Variants in LYST observed in about 807,000 individuals in gnomAD.
The protein encoded by LYST is lysosomal-trafficking regulator.
A neutral mutation model predicts 413.6 loss-of-function variants in LYST; 192 were observed. The observed-to-expected ratio is 0.46, with a 90% CI of 0.41 to 0.52. LYST has a LOEUF of 0.52. LYST is among the 20% of genes least tolerant of loss of function. The pLI is 0.00. For missense variants in LYST, 3,815 were observed against 4,499.9 expected, an observed-to-expected ratio of 0.85 and a Z score of 4.35; for synonymous variants, 1,525 against 1,567.3, an observed-to-expected ratio of 0.97 and a Z score of 0.64.
chr1:235,677,265 C>T, intron 49 of LYST, 77 bp from the exon 50 acceptor site: 1 of 1,229,574 alleles, frequency 8.1e-7, no homozygotes. Context: ...TTCTTCTTCT[C>T]AGTCTATGTA....
In LYST at chr1:235,759,291, T is replaced by C; in HGVS notation, c.6562A>G (p.Ser2188Gly). ...EAVLSAQVSV[S>G]DVPKGVLGFP... ...CCCAGCACTCCCTTTGGGACATCAC[T>C]GACAGAGACCTGGGCTGAGAGGACA... is the stretch of plus-strand genomic sequence containing the variant. Residue 2188 changes from serine to glycine, a missense_variant, in exon 23 of 53, where the codon AGT (serine) becomes GGT (glycine). Ser to Gly is a moderately conservative substitution (Grantham distance 56, BLOSUM62 0). Around this residue, in one of 4 missense-constraint regions of LYST, gnomAD observed 771 missense variants for 837.1 expected, o/e 0.92. Coordinates refer to ENST00000389793, the MANE Select transcript of LYST (RefSeq NM_000081.4). The C allele has an allele frequency of 6.2e-7, 1 of 1,614,174 alleles. No homozygotes were observed. Among genetic ancestry groups the C allele is most frequent in the Non-Finnish European group, 8.5e-7 (1 of 1,180,002 alleles).
chr1:235,712,238 C>G, intron 42 of LYST, 41 bp from the exon 43 acceptor site: 2 of 1,436,888 alleles, frequency 1.4e-6, no homozygotes, highest in Non-Finnish European at 1.9e-6. Flanking sequence ...ACACAAAGAC[C>G]TAATTCTATT....
chr1:235,719,825 G>T (rs12074371), intron 40 of LYST, among the ~76,000 whole-genome samples: 69,057 of 151,642 alleles, frequency 0.46, 17,468 homozygotes, highest in African/African-American at 0.67. Context: ...AAGAATAAGT[G>T]ACCTGGTTTT....
At chr1:235,800,285 T>C (rs1286227980) in intron 10 of LYST, 35 bp downstream of exon 10, 15 of 1,318,716 alleles carry the variant, frequency 1.1e-5, no homozygotes, top group Non-Finnish European at 1.6e-5. Context: ...CATAAAATAA[T>C]TTCAGAGCTA....
chr1:235,715,263 C>A lies in LYST; in HGVS notation c.9722G>T (p.Gly3241Val). 6.2e-7 allele frequency: 1 copy of A among 1,613,930 alleles called. No homozygotes were observed. The highest frequency in any genetic ancestry group is 8.5e-7 in the Non-Finnish European group (1 of 1,179,904). The change falls in exon 42 of 53, where the codon GGC becomes GTC. Residue 3241 changes from glycine to valine, a missense_variant. By Grantham distance (109) the Gly-to-Val change is moderately radical. Transcript: ENST00000389793. ...CCTGACCAGGAAGTGAAGCACAGTG[C>A]CGCTATTGGAATAGTGGGAGCCATA... ...YHYGSHYSNS[G>V]TVLHFLVRMP...
At chr1:235,874,642 G>A (rs1284632108) in intron 1 of LYST, among the ~76,000 whole-genome samples, 1 of 152,140 alleles carries the variant, frequency 6.6e-6, no homozygotes, top group East Asian at 1.9e-4. Context: ...CCAAAGGACT[G>A]TCCTTTATTC....
At chr1:235,795,129 T>C (rs1427204465) in intron 10 of LYST, among the ~76,000 whole-genome samples, 2 of 152,162 alleles carry the variant, frequency 1.3e-5, no homozygotes, top group African/African-American at 2.4e-5. Flanking sequence ...AGCCGAGCTG[T>C]CCATCTAAGG....
At chr1:235,844,400 G>A (rs1321806271) in intron 1 of LYST, among the ~76,000 whole-genome samples, 1 of 152,170 alleles carries the variant, frequency 6.6e-6, no homozygotes, top group Non-Finnish European at 1.5e-5. Context: ...ACATTCTACA[G>A]TTGAGAAAAA....
At chr1:235,768,447 A>G (rs564171313) in intron 20 of LYST, among the ~76,000 whole-genome samples, 1 of 152,160 alleles carries the variant, frequency 6.6e-6, no homozygotes, top group Admixed American at 6.5e-5. Flanking sequence ...TAATCTTCCT[A>G]AAGTGCACAA....
rs1668526037 is a variant in LYST, at chr1:235,770,147, AC to A, written c.5922+12del. On this transcript the variant is annotated intron_variant, in intron 20 of 52. Coordinates refer to ENST00000389793, the MANE Select transcript of LYST (RefSeq NM_000081.4). Reference sequence around the variant, plus strand: ...GGAATATATTTCCAAAAGTAAAGTTACATGAAAAGTACCTGCAAAACCTGAC... The same window carrying A: ...GGAATATATTTCCAAAAGTAAAGTTAATGAAAAGTACCTGCAAAACCTGAC... 2 of 1,612,248 alleles carry A rather than the reference AC, an allele frequency of 1.2e-6. No individual in the cohort carries two copies. Among genetic ancestry groups the A allele is most frequent in the African/African-American group, 2.7e-5 (2 of 74,884 alleles).
chr1:235,852,337 AAG>A (rs565830244), intron 1 of LYST, among the ~76,000 whole-genome samples: 45 of 152,194 alleles, frequency 3.0e-4, no homozygotes, highest in Non-Finnish European at 5.9e-4. Flanking sequence ...AGGGAGGGAG[AAG>A]AGATTCCTGT....
At chr1:235,710,464 C>A (rs1662321052) in intron 43 of LYST, among the ~76,000 whole-genome samples, 1 of 152,128 alleles carries the variant, frequency 6.6e-6, no homozygotes. Flanking sequence ...TGTACAAACT[C>A]AATCTTTCCC....
intron 31 of LYST, among the ~76,000 whole-genome samples, chr1:235,740,001 T>G (rs764573401): frequency 6.6e-6 from 1 of 152,184 alleles, no homozygotes; most frequent in Non-Finnish European, 1.5e-5. Context: ...CGCAGTTGAA[T>G]TTTGATGGAT....
rs1483564924 is a variant in LYST, at chr1:235,854,243, T to C, written c.-98+12600A>G. 6.6e-6 allele frequency among the ~76,000 whole-genome samples: 1 copy of C among 152,184 alleles called. No individual in the cohort carries two copies. The highest frequency in any genetic ancestry group is 2.4e-5 in the African/African-American group (1 of 41,438). On this transcript the variant is annotated intron_variant, in intron 1 of 52. Transcript: ENST00000389793. The surrounding 1 kb of genome is among the most constrained non-coding windows in gnomAD (Gnocchi z 4.1). ...CCTCCTAACAATCTCCTAAGTAACA[T>C]TATTATCCCTAGTTGACACATATTG...
intron 46 of LYST, 112 bp from the exon 47 acceptor site, chr1:235,693,598 G>T: frequency 2.6e-6 from 3 of 1,167,938 alleles, no homozygotes; most frequent in Non-Finnish European, 3.8e-6. Context: ...CATATCATTT[G>T]GTGCAAGACC....
chr1:235,728,743 G>C (rs1055624670), intron 37 of LYST, among the ~76,000 whole-genome samples: 6 of 152,192 alleles, frequency 3.9e-5, no homozygotes, highest in Non-Finnish European at 8.8e-5. Context: ...TAGTGAAGTA[G>C]TGAAGTAGTG....
At position 235,800,960 on chromosome 1, in the gene LYST, C is replaced by T; in HGVS notation, c.3850G>A (p.Ala1284Thr). 3 of 1,613,758 alleles carry T rather than the reference C, an allele frequency of 1.9e-6. No homozygotes were observed. The highest frequency in any genetic ancestry group is 2.5e-6 in the Non-Finnish European group (3 of 1,179,828). Residue 1284 changes from alanine to threonine, a missense_variant, in exon 9 of 53, where the codon GCC becomes ACC. Around this residue, in one of 4 missense-constraint regions of LYST, gnomAD observed 1,648 missense variants for 1,810.3 expected, o/e 0.91. Transcript: ENST00000389793. ...ACATGGGCAAGCACATCAAGTTTGG[C>T]TTTACTAGCAGAAAGCAAATTTAAT... ...LELNLLSASK[A>T]KLDVLAHVFE...
At chr1:235,796,689 C>T (rs937704906) in intron 10 of LYST, among the ~76,000 whole-genome samples, 1 of 152,136 alleles carries the variant, frequency 6.6e-6, no homozygotes, top group African/African-American at 2.4e-5. Context: ...CCCCCTTTTG[C>T]CTCTCTTCCT....
In LYST at chr1:235,759,374, T is replaced by C. The variant is rs200381916; in HGVS notation, c.6479A>G (p.Lys2160Arg). The C allele has an allele frequency of 1.6e-5, 26 of 1,614,192 alleles. No homozygotes were observed. The highest frequency in any genetic ancestry group is 1.6e-4 in the Middle Eastern group (1 of 6,062). ...LGSSDTLKKG[K>R]EDAFISSCES... ...ACAGCTACTGATGAATGCGTCCTCT[T>C]TGCCTTTTTTCAGTGTGTCGGAACT... is the stretch of plus-strand genomic sequence containing the variant. Residue 2160 changes from lysine (K) to arginine (R), a missense_variant, in exon 23 of 53, where the codon AAA becomes AGA. By Grantham distance (26) the Lys-to-Arg change is conservative. Transcript: ENST00000389793.
Sources: gnomAD v4.1 joint callset for allele counts (sites outside exome capture counted in the v4.1 genomes callset) on GRCh38, gnomAD v4.1.1 for gene constraint, gnomAD v4.1.1 regional missense constraint, Gnocchi (gnomAD v3.1) non-coding constraint, MANE v1.5 for transcripts, NCBI Gene and HGNC (gene_info 2026-07-23, HGNC 2026-07-21) for gene names.